The following UTP6 variants were observed in gnomAD, a reference collection of about 807,000 sequenced individuals.
The protein encoded by UTP6 is U3 small nucleolar RNA-associated protein 6 homolog.
UTP6 carries 60 observed loss-of-function variants against 96.5 expected under a neutral mutation model. The ratio of observed to expected loss-of-function variants is 0.62; its 90% CI spans 0.51 to 0.77. The LOEUF is 0.77. Among genes scored for constraint, UTP6 ranks in the 30% least tolerant of loss-of-function variants. The pLI is 0.00. For missense variants in UTP6, 637 were observed against 706.5 expected, an observed-to-expected ratio of 0.90 and a Z score of 1.12; for synonymous variants, 215 against 240.1, an observed-to-expected ratio of 0.90 and a Z score of 0.96.
chr17:31,892,919 T>C, intron 4 of UTP6, 125 bp from the exon 5 acceptor site: 3 of 1,094,880 alleles, frequency 2.7e-6, no homozygotes, highest in Non-Finnish European at 4.0e-6. Context: ...ACACCTGTAA[T>C]CCCACCACTT....
intron 13 of UTP6, among the ~76,000 whole-genome samples, chr17:31,876,395 A>G (rs887277864): frequency 1.3e-5 from 2 of 149,284 alleles, no homozygotes; most frequent in African/African-American, 4.9e-5. Flanking sequence ...CTGTAATCCC[A>G]GCACTTTGGG....
In UTP6 at chr17:31,889,377, C is replaced by G; in HGVS notation, c.451G>C (p.Glu151Gln). 3 of 1,613,692 alleles carry G rather than the reference C, an allele frequency of 1.9e-6. No individual in the cohort carries two copies. Among genetic ancestry groups the G allele is most frequent in the Non-Finnish European group, 2.5e-6 (3 of 1,179,806 alleles). The change falls in exon 7 of 19, where the codon GAA becomes CAA. Residue 151 changes from glutamate (E) to glutamine (Q), a missense_variant. Transcript: ENST00000261708. ...TCTGAAGACAATCGATCTTCCATTTCCCATTTGGCTGCCATAATCCACAAA... is the reference window on the plus strand; with the variant it reads ...TCTGAAGACAATCGATCTTCCATTTGCCATTTGGCTGCCATAATCCACAAA... ...PALWIMAAKW[E>Q]MEDRLSSESA...
chr17:31,892,022 CAAA>C, intron 6 of UTP6: 1 of 440,538 alleles, frequency 2.3e-6, no homozygotes. Context: ...GACTCCGTCT[CAAA>C]AAAAAAAGAA....
chr17:31,873,625 C>A (rs147584370), intron 15 of UTP6, 48 bp downstream of exon 15: 30 of 1,613,016 alleles, frequency 1.9e-5, no homozygotes, highest in Middle Eastern at 3.3e-4. Context: ...AACCAGGGAA[C>A]CTTCTGCCAT....
chr17:31,874,857 G>A (rs182836058), intron 14 of UTP6, among the ~76,000 whole-genome samples: 3 of 151,082 alleles, frequency 2.0e-5, no homozygotes, highest in South Asian at 2.1e-4. Flanking sequence ...GCCTGAACCC[G>A]GGAGGCAGAG....
Position 31,901,608 on chromosome 17 carries a change from T to C in UTP6, c.20A>G (p.Glu7Gly). The change falls in exon 1 of 19, where the codon GAA (glutamate) becomes GGA (glycine). Residue 7 changes from glutamate to glycine, a missense_variant. Glu to Gly is a moderately conservative substitution (Grantham distance 98, BLOSUM62 -2). Transcript: ENST00000261708. ...TTCCGGGAGCCGATCTTCTATGCGT[T>C]CCTGAATTATCTCTGCCATGAGGTC... The part of the protein sequence containing the change: MAEIIQ[E>G]RIEDRLPELE... The C allele has an allele frequency of 6.2e-7, 1 of 1,613,966 alleles. No individual in the cohort carries two copies. Among genetic ancestry groups the C allele is most frequent in the Non-Finnish European group, 8.5e-7 (1 of 1,180,036 alleles).
intron 4 of UTP6, among the ~76,000 whole-genome samples, chr17:31,893,631 G>A (rs1286816209): frequency 6.7e-6 from 1 of 150,048 alleles, no homozygotes; most frequent in East Asian, 2.0e-4. Flanking sequence ...TGGGGAGGCT[G>A]AGGCAGGAAA....
At chr17:31,896,727 C>G (rs1196876144) in intron 2 of UTP6, among the ~76,000 whole-genome samples, 1 of 151,640 alleles carries the variant, frequency 6.6e-6, no homozygotes, top group Admixed American at 6.6e-5. Flanking sequence ...GCTTCCACCT[C>G]CCAGGTTCAA....
chr17:31,881,267 C>CTTTTT (rs202102116), intron 10 of UTP6, among the ~76,000 whole-genome samples: 2 of 132,894 alleles, frequency 1.5e-5, no homozygotes, highest in Admixed American at 7.6e-5. Flanking sequence ...CACTTTTTCA[C>CTTTTT]TTTTTTTTTT....
At chr17:31,888,527 G>A (rs1911282785) in intron 7 of UTP6, among the ~76,000 whole-genome samples, 2 of 152,006 alleles carry the variant, frequency 1.3e-5, no homozygotes, top group African/African-American at 4.8e-5. Context: ...TGCCCAACAG[G>A]GCGAAACTCC....
chr17:31,885,720 A>C (rs1454038322), intron 9 of UTP6, among the ~76,000 whole-genome samples: 1 of 152,000 alleles, frequency 6.6e-6, no homozygotes, highest in African/African-American at 2.4e-5. Flanking sequence ...CCCAGGAAGC[A>C]GAGGTTGTGG....
chr17:31,883,504 G>A (rs1351714548), intron 10 of UTP6, among the ~76,000 whole-genome samples: 2 of 151,890 alleles, frequency 1.3e-5, no homozygotes, highest in African/African-American at 4.8e-5. Context: ...TAGTAGAAAC[G>A]TGGTTTCTCC....
chr17:31,893,734 CA>C (rs3084042), intron 4 of UTP6, among the ~76,000 whole-genome samples: 3,903 of 84,436 alleles, frequency 0.046, 58 homozygotes, highest in Non-Finnish European at 0.049. Flanking sequence ...CATCCCCCAC[CA>C]AAAAAAAAAA....
At chr17:31,889,557 C>T (rs1014992303) in intron 6 of UTP6, among the ~76,000 whole-genome samples, 154 bp from the exon 7 acceptor site, 7 of 147,136 alleles carry the variant, frequency 4.8e-5, no homozygotes, top group Admixed American at 1.4e-4. Context: ...AGTGCAGTGA[C>T]GCAATCTCGG....
At chr17:31,869,850 T>C (rs536882604) in intron 16 of UTP6, among the ~76,000 whole-genome samples, 1 of 152,286 alleles carries the variant, frequency 6.6e-6, no homozygotes, top group African/African-American at 2.4e-5. Context: ...CCCTATCCTG[T>C]AGTGTCTACT....
intron 17 of UTP6, among the ~76,000 whole-genome samples, chr17:31,865,759 C>T (rs1008403218): frequency 6.6e-6 from 1 of 152,136 alleles, no homozygotes; most frequent in Non-Finnish European, 1.5e-5. Flanking sequence ...AAAGAAACAG[C>T]GAAGGTTCTA....
At chr17:31,887,138 A>G (rs1304273129) in intron 8 of UTP6, 98 bp downstream of exon 8, 4 of 1,210,946 alleles carry the variant, frequency 3.3e-6, no homozygotes, top group Admixed American at 5.0e-5. Flanking sequence ...AAAAGAAAAA[A>G]AAAGAAAAAT....
At chr17:31,872,858 G>A (rs574690089) in intron 16 of UTP6, among the ~76,000 whole-genome samples, 8 of 148,290 alleles carry the variant, frequency 5.4e-5, no homozygotes, top group African/African-American at 1.7e-4. Context: ...TTAGCCGGGC[G>A]TGGTGTCACA....
rs749234931 is a variant in UTP6 at position 31,880,592 on chromosome 17, T to C, written c.948A>G (p.Ala316=). 1.9e-6 allele frequency: 3 copies of C among 1,614,198 alleles called. No homozygotes were observed. Among genetic ancestry groups the C allele is most frequent in the Non-Finnish European group, 2.5e-6 (3 of 1,180,032 alleles). The change falls in exon 11 of 19, where the codon GCA becomes GCG. Residue 316 remains alanine, a synonymous_variant. Coordinates refer to ENST00000261708, the MANE Select transcript of UTP6 (RefSeq NM_018428.3). ...GTTCACCTGTTGGCAGAGTCTTCAC[T>C]GCCTCTTCATACACAGCACAGCACC... ...EERCCAVYEE[A]VKTLPTEAMW...
Sources: allele counts gnomAD v4.1 joint callset (sites outside exome capture counted in the v4.1 genomes callset), GRCh38; gene constraint gnomAD v4.1.1; transcripts MANE v1.5; gene names NCBI Gene and HGNC (gene_info 2026-07-23, HGNC 2026-07-21).